Variants in ZDHHC14 observed in about 807,000 individuals in gnomAD.
The protein encoded by ZDHHC14 is palmitoyltransferase ZDHHC14.
Under a neutral mutation model 47.7 loss-of-function variants are expected in ZDHHC14, and 16 were observed. That is an observed-to-expected ratio of 0.34 (90% CI 0.23 to 0.51). ZDHHC14 has a LOEUF of 0.51. Among genes scored for constraint, ZDHHC14 ranks in the 20% least tolerant of loss-of-function variants. The pLI is 0.97. For missense variants in ZDHHC14, 515 were observed against 662.5 expected, an observed-to-expected ratio of 0.78 and a Z score of 2.44; for synonymous variants, 293 against 278.9, an observed-to-expected ratio of 1.05 and a Z score of -0.50.
chr6:157,642,023 A>AAGATAGATAGATAGAT (rs77223982), intron 5 of ZDHHC14, among the ~76,000 whole-genome samples: 94 of 146,724 alleles, frequency 6.4e-4, no homozygotes, highest in Admixed American at 1.3e-3. Context: ...GTATATTTTG[A>AAGATAGATAGATAGAT]AGATAGATAG....
At position 157,488,658 on chromosome 6, in the gene ZDHHC14, C is replaced by T. The variant is rs374218619; in HGVS notation, c.246-53927C>T. Among the ~76,000 whole-genome samples, 14 of 152,292 alleles carry T rather than the reference C, an allele frequency of 9.2e-5. No individual in the cohort carries two copies. In the South Asian group the frequency reaches 1.5e-3, roughly 16 times the overall value. On this transcript the variant is annotated intron_variant, in intron 1 of 8. Transcript: ENST00000359775. ...TTGTAGCCCTCTTTCCCTCAAGGGT[C>T]GCTGGTTCATAAAATGTCCTATCAG...
chr6:157,440,140 C>G (rs892681348), intron 1 of ZDHHC14, among the ~76,000 whole-genome samples: 1 of 150,898 alleles, frequency 6.6e-6, no homozygotes, highest in African/African-American at 2.4e-5. Flanking sequence ...ACCTGCACAT[C>G]CTGCACAGGT....
chr6:157,444,726 T>C (rs1439416883), intron 1 of ZDHHC14, among the ~76,000 whole-genome samples: 1 of 151,148 alleles, frequency 6.6e-6, no homozygotes, highest in Non-Finnish European at 1.5e-5. Flanking sequence ...GGAAAGTCAG[T>C]AACACTTTTC....
At position 157,404,682 on chromosome 6, in the gene ZDHHC14, T is replaced by A. The variant is rs145295926; in HGVS notation, c.245+22416T>A. ...AGAAAGTCCCTGGGGCAGGTGGCAC[T>A]GTGCTTGGTTCATAGATGCTGAATG... On this transcript the variant is annotated intron_variant, in intron 1 of 8. Transcript: ENST00000359775. Among the ~76,000 whole-genome samples, 271 of 152,352 alleles carry A rather than the reference T, an allele frequency of 1.8e-3. 1 individual carries two copies. Among genetic ancestry groups the A allele is most frequent in the African/African-American group, 6.2e-3 (258 of 41,572 alleles).
Position 157,649,918 on chromosome 6 carries a change from G to A in ZDHHC14, c.965+2550G>A, listed in dbSNP as rs150533761. 5.3e-5 allele frequency among the ~76,000 whole-genome samples: 8 copies of A among 152,344 alleles called. No individual in the cohort carries two copies. In the East Asian group the frequency reaches 5.8e-4, roughly 11 times the overall value. ...TGTGGCCACCATTGACTGCCCATGT[G>A]CGGTGGAGCCAGTTCCGTGCCAGGC... On this transcript the variant is annotated intron_variant, in intron 7 of 8. Transcript: ENST00000359775.
chr6:157,662,818 T>C (rs1778402184), intron 8 of ZDHHC14, among the ~76,000 whole-genome samples: 1 of 152,216 alleles, frequency 6.6e-6, no homozygotes, highest in Non-Finnish European at 1.5e-5. Flanking sequence ...CCAGGAACTA[T>C]AAAAAATTTT....
chr6:157,624,455 G>C (rs1051567822), intron 3 of ZDHHC14, among the ~76,000 whole-genome samples: 1 of 152,224 alleles, frequency 6.6e-6, no homozygotes, highest in Non-Finnish European at 1.5e-5. Flanking sequence ...CCTTGGATCT[G>C]AGGAATATTT....
chr6:157,630,000 A>G (rs1247931821), intron 4 of ZDHHC14: 2 of 152,160 alleles, frequency 1.3e-5, no homozygotes, highest in Non-Finnish European at 2.9e-5. Context: ...ATTTATTTTT[A>G]TTTTTGAGAT....
intron 1 of ZDHHC14, among the ~76,000 whole-genome samples, chr6:157,508,030 T>G (rs536618746): frequency 2.0e-5 from 3 of 152,346 alleles, no homozygotes; most frequent in Non-Finnish European, 4.4e-5. Context: ...ATGATTCCAT[T>G]GTCTTCTAGC....
intron 1 of ZDHHC14, among the ~76,000 whole-genome samples, chr6:157,466,842 C>CA (rs1345389262): frequency 2.0e-5 from 3 of 150,430 alleles, no homozygotes; most frequent in Non-Finnish European, 4.4e-5. Context: ...TCTCAAAAAA[C>CA]AAAAAACAAA....
In ZDHHC14 at chr6:157,622,310, GA is replaced by G. The variant is rs201067524; in HGVS notation, c.566-6037del. 4.5e-3 allele frequency among the ~76,000 whole-genome samples: 683 copies of G among 151,736 alleles called. 3 individuals are homozygous for G. The highest frequency in any genetic ancestry group is 0.016 in the African/African-American group (665 of 41,302). The stretch of plus-strand genomic sequence containing the variant: ...GAGGCTGAGGCAGGAGATATCGCTT[GA>G]ACCCGGGAGGCAGAGGCTGCAATGA... On this transcript the variant is annotated intron_variant, in intron 3 of 8. Transcript: ENST00000359775.
intron 3 of ZDHHC14, among the ~76,000 whole-genome samples, chr6:157,609,876 C>T (rs1784684530): frequency 1.3e-5 from 2 of 152,224 alleles, no homozygotes; most frequent in Admixed American, 1.3e-4. Flanking sequence ...GAGGCAGATC[C>T]AGCCTGGATC....
intron 1 of ZDHHC14, among the ~76,000 whole-genome samples, chr6:157,450,516 T>TAAAA (rs35262370): frequency 2.3e-4 from 31 of 137,710 alleles, no homozygotes; most frequent in South Asian, 4.8e-4. Context: ...GACTCCGTCT[T>TAAAA]AAAAAAAAAA....
intron 1 of ZDHHC14, among the ~76,000 whole-genome samples, chr6:157,496,203 C>T (rs1419639127): frequency 2.0e-5 from 3 of 152,168 alleles, no homozygotes; most frequent in Non-Finnish European, 4.4e-5. Context: ...CCGGCTGTAT[C>T]TCCCCAGGGT....
chr6:157,497,210 C>G (rs186701556), intron 1 of ZDHHC14, among the ~76,000 whole-genome samples: 11 of 152,140 alleles, frequency 7.2e-5, no homozygotes, highest in Middle Eastern at 3.2e-3. Flanking sequence ...ATGAGGGAAG[C>G]GGGAAGGAAT....
At chr6:157,527,377 G>C (rs1238231724) in intron 1 of ZDHHC14, among the ~76,000 whole-genome samples, 3 of 152,144 alleles carry the variant, frequency 2.0e-5, no homozygotes, top group African/African-American at 4.8e-5. Context: ...CAACTGACCT[G>C]TTTTCCTATT....
At chr6:157,386,870 A>T (rs1777321776) in intron 1 of ZDHHC14, among the ~76,000 whole-genome samples, 1 of 152,218 alleles carries the variant, frequency 6.6e-6, no homozygotes, top group Admixed American at 6.5e-5. Context: ...TTTTGTTTAC[A>T]GTTGTAATTT....
intron 1 of ZDHHC14, among the ~76,000 whole-genome samples, chr6:157,510,890 A>G (rs1036908977): frequency 1.3e-5 from 2 of 152,260 alleles, no homozygotes; most frequent in Non-Finnish European, 1.5e-5. Context: ...CAGCGGTTTC[A>G]GTAACCATAC....
intron 1 of ZDHHC14, among the ~76,000 whole-genome samples, chr6:157,510,929 C>A (rs1202460733): frequency 6.6e-6 from 1 of 152,218 alleles, no homozygotes; most frequent in Non-Finnish European, 1.5e-5. Flanking sequence ...ATGTTTTTGC[C>A]CATGCTTTTT....
Sources: allele counts gnomAD v4.1 joint callset (sites outside exome capture counted in the v4.1 genomes callset), GRCh38; gene constraint gnomAD v4.1.1; transcripts MANE v1.5; gene names NCBI Gene and HGNC (gene_info 2026-07-23, HGNC 2026-07-21).